Variants in AK5 observed in about 807,000 individuals in gnomAD.
AK5 encodes adenylate kinase 5.
A neutral mutation model predicts 69.5 loss-of-function variants in AK5; 27 were observed. The ratio of observed to expected loss-of-function variants is 0.39; its 90% CI spans 0.29 to 0.54. The LOEUF (loss-of-function observed/expected upper bound fraction) is 0.54. Among genes scored for constraint, AK5 ranks in the 20% least tolerant of loss-of-function variants. The pLI is 0.71. For missense variants in AK5, 531 were observed against 700.4 expected (o/e 0.76, Z 2.73); for synonymous variants, 260 against 244.4 (o/e 1.06, Z -0.60).
At chr1:77,431,124 A>T (rs7537472) in intron 8 of AK5, among the ~76,000 whole-genome samples, 43,292 of 151,892 alleles carry the variant, frequency 0.29, 6,309 homozygotes, top group East Asian at 0.43. Context: ...CTGTAAGATG[A>T]CTTCCAGAGG....
chr1:77,548,985 C>G (rs1430741496), intron 13 of AK5, among the ~76,000 whole-genome samples: 1 of 148,446 alleles, frequency 6.7e-6, no homozygotes, highest in East Asian at 2.0e-4. Flanking sequence ...AAGCGATTCT[C>G]CTGCCTTAGC....
Position 77,340,408 on chromosome 1 carries a change from C to T in AK5, c.731C>T (p.Ala244Val). 1 of 1,614,024 alleles carries T rather than the reference C, an allele frequency of 6.2e-7. No homozygotes were observed. The highest frequency in any genetic ancestry group is 8.5e-7 in the Non-Finnish European group (1 of 1,179,924). ...ICTPDLVVFL[A>V]CANQRLKERL... Reference sequence around the variant, plus strand: ...ACCCCCGATTTGGTGGTATTCCTGGCTTGTGCTAATCAGAGACTCAAAGAA... The same window carrying T: ...ACCCCCGATTTGGTGGTATTCCTGGTTTGTGCTAATCAGAGACTCAAAGAA... Residue 244 changes from alanine to valine, a missense_variant, in exon 6 of 14, where the codon GCT becomes GTT. Ala to Val is a moderately conservative substitution (Grantham distance 64, BLOSUM62 0). Coordinates refer to ENST00000354567, the MANE Select transcript of AK5 (RefSeq NM_174858.3).
intron 12 of AK5, 106 bp downstream of exon 12, chr1:77,522,049 T>C: frequency 1.1e-6 from 1 of 874,326 alleles, no homozygotes; most frequent in Non-Finnish European, 1.7e-6. Flanking sequence ...TAATGAAAAC[T>C]TTAAGGGGCA....
chr1:77,338,540 G>A (rs1246246815), intron 5 of AK5, among the ~76,000 whole-genome samples: 1 of 152,194 alleles, frequency 6.6e-6, no homozygotes, highest in Non-Finnish European at 1.5e-5. Flanking sequence ...ACTATTGAAA[G>A]TCAGTGCTGA....
At chr1:77,363,847 A>G (rs1304740573) in intron 6 of AK5, among the ~76,000 whole-genome samples, 1 of 152,076 alleles carries the variant, frequency 6.6e-6, no homozygotes, top group African/African-American at 2.4e-5. Flanking sequence ...CACACTCCTG[A>G]TCCTTCCTAC....
At chr1:77,367,608 G>GTTT (rs1557532941) in intron 6 of AK5, among the ~76,000 whole-genome samples, 1 of 70,246 alleles carries the variant, frequency 1.4e-5, no homozygotes, top group East Asian at 3.6e-4. Context: ...TAATATATAT[G>GTTT]TAATATATAT....
chr1:77,422,465 G>A (rs1282553721), intron 8 of AK5, among the ~76,000 whole-genome samples: 2 of 152,062 alleles, frequency 1.3e-5, no homozygotes, highest in Non-Finnish European at 2.9e-5. Context: ...CTCATCCATT[G>A]CCACTTATCA....
intron 8 of AK5, among the ~76,000 whole-genome samples, chr1:77,451,381 T>C (rs1221272369): frequency 6.6e-6 from 1 of 152,212 alleles, no homozygotes; most frequent in African/African-American, 2.4e-5. Context: ...TGTAAACACA[T>C]TTTAATGGCA....
rs1840246 is a variant in AK5, at chr1:77,369,822, G to T, written c.891+29254G>T. Among the ~76,000 whole-genome samples the T allele has an allele frequency of 3.3e-5, 5 of 152,176 alleles. No individual in the cohort carries two copies. In the South Asian group the frequency reaches 1.0e-3, roughly 32 times the overall value. The stretch of plus-strand genomic sequence containing the variant: ...AGTTTCAAAAAGTGTTTTGACAAAA[G>T]CATTAAGGATAAATTTGTCATAAAT... On this transcript the variant is annotated intron_variant, in intron 6 of 13. Coordinates refer to ENST00000354567, the MANE Select transcript of AK5 (RefSeq NM_174858.3).
intron 13 of AK5, 136 bp downstream of exon 13, chr1:77,536,174 C>A: frequency 2.0e-6 from 2 of 991,182 alleles, no homozygotes; most frequent in Non-Finnish European, 2.9e-6. Context: ...GCACTGGGGC[C>A]AAAAGGCCCA....
At chr1:77,507,939 C>G (rs1294206355) in intron 10 of AK5, among the ~76,000 whole-genome samples, 1 of 152,188 alleles carries the variant, frequency 6.6e-6, no homozygotes, top group Non-Finnish European at 1.5e-5. Context: ...ACCACCTAGT[C>G]TTCAATCAAC....
intron 6 of AK5, among the ~76,000 whole-genome samples, chr1:77,368,757 T>G (rs1647066223): frequency 6.6e-6 from 1 of 152,170 alleles, no homozygotes; most frequent in Non-Finnish European, 1.5e-5. Context: ...ATTTTCCACT[T>G]GTGGCATCAT....
chr1:77,438,294 CAAAAAAAAAAAA>C (rs56019139), intron 8 of AK5, among the ~76,000 whole-genome samples: 34 of 52,798 alleles, frequency 6.4e-4, no homozygotes, highest in South Asian at 1.6e-3. Flanking sequence ...ATATTTGGTA[CAAAAAAAAAAAA>C]AAAAAAAAAA....
chr1:77,302,565 A>G (rs1250716324), intron 5 of AK5, among the ~76,000 whole-genome samples: 2 of 152,104 alleles, frequency 1.3e-5, no homozygotes, highest in Non-Finnish European at 1.5e-5. Context: ...TCCTTAGTCT[A>G]GGTTTTGCTT....
At chr1:77,427,450 T>G (rs1232246924) in intron 8 of AK5, among the ~76,000 whole-genome samples, 1 of 152,088 alleles carries the variant, frequency 6.6e-6, no homozygotes, top group African/African-American at 2.4e-5. Flanking sequence ...AGAAACAAAC[T>G]ATCTGAATAG....
At chr1:77,425,836 G>T (rs187565647) in intron 8 of AK5, among the ~76,000 whole-genome samples, 2 of 152,108 alleles carry the variant, frequency 1.3e-5, no homozygotes, top group African/African-American at 4.8e-5. Flanking sequence ...ACAGAAAGGA[G>T]GAATTAGGAA....
chr1:77,430,748 G>C (rs541504844), intron 8 of AK5, among the ~76,000 whole-genome samples: 3 of 152,304 alleles, frequency 2.0e-5, no homozygotes, highest in South Asian at 2.1e-4. Flanking sequence ...CCAAAAGCCA[G>C]AGAAAACAGT....
intron 13 of AK5, among the ~76,000 whole-genome samples, chr1:77,557,967 T>C (rs1660208703): frequency 6.7e-6 from 1 of 150,038 alleles, no homozygotes; most frequent in Non-Finnish European, 1.5e-5. Flanking sequence ...TTTTCCAGAA[T>C]GTCATATAAT....
intron 6 of AK5, among the ~76,000 whole-genome samples, chr1:77,402,792 G>A (rs1314237471): frequency 1.4e-4 from 22 of 152,092 alleles, no homozygotes; most frequent in Admixed American, 4.6e-4. Flanking sequence ...ATGATTTATA[G>A]TCCTTTGTGT....
Sources: allele counts gnomAD v4.1 joint callset (sites outside exome capture counted in the v4.1 genomes callset), GRCh38; gene constraint gnomAD v4.1.1; transcripts MANE v1.5; gene names NCBI Gene and HGNC (gene_info 2026-07-23, HGNC 2026-07-21).